CACNA1E: variants seen among roughly 807,000 people sequenced by gnomAD.
The protein encoded by CACNA1E is calcium voltage-gated channel subunit alpha1 E.
Under a neutral mutation model 259.2 loss-of-function variants are expected in CACNA1E, and 40 were observed. That is an observed-to-expected ratio of 0.15 (90% CI 0.12 to 0.20). The LOEUF (loss-of-function observed/expected upper bound fraction) is 0.20, where lower values mean the gene tolerates loss of function less well. CACNA1E is among the 10% of genes least tolerant of loss of function. The probability of loss-of-function intolerance (pLI) is 1.00; values close to 1 mark genes in which losing one functional copy is unlikely to be tolerated. For missense variants in CACNA1E, 1,874 were observed against 3,040.1 expected (o/e 0.62, Z 9.02); for synonymous variants, 1,104 against 1,138.5 (o/e 0.97, Z 0.61).
At chr1:181,757,552 T>C (rs770085825) in intron 30 of CACNA1E, among the ~76,000 whole-genome samples, 33 of 152,194 alleles carry the variant, frequency 2.2e-4, no homozygotes, top group Non-Finnish European at 4.0e-4. Context: ...TTTTATTTTA[T>C]TTTTTCGATG....
At chr1:181,352,696 G>A (rs1321040695) in intron 1 of CACNA1E, among the ~76,000 whole-genome samples, 1 of 152,212 alleles carries the variant, frequency 6.6e-6, no homozygotes, top group South Asian at 2.1e-4. Flanking sequence ...GCAATTTGGA[G>A]ACATCAACTA....
At chr1:181,665,544 A>C (rs1648136204) in intron 7 of CACNA1E, among the ~76,000 whole-genome samples, 1 of 152,174 alleles carries the variant, frequency 6.6e-6, no homozygotes, top group African/African-American at 2.4e-5. Flanking sequence ...TCTATTGCAC[A>C]GTAGGTGATG....
intron 38 of CACNA1E, among the ~76,000 whole-genome samples, chr1:181,779,150 T>C (rs974056747): frequency 2.0e-5 from 3 of 152,226 alleles, no homozygotes; most frequent in African/African-American, 7.2e-5. Flanking sequence ...GGGCTGTGTC[T>C]GCATCTGGCC....
intron 1 of CACNA1E, among the ~76,000 whole-genome samples, chr1:181,383,858 C>T (rs193194670): frequency 9.1e-4 from 139 of 152,278 alleles, no homozygotes; most frequent in African/African-American, 2.5e-3. Context: ...CACAAAACCT[C>T]CTACATCATC....
intron 12 of CACNA1E, among the ~76,000 whole-genome samples, chr1:181,718,742 G>T (rs1304187806): frequency 1.3e-5 from 2 of 150,680 alleles, no homozygotes; most frequent in Non-Finnish European, 2.9e-5. Flanking sequence ...ATATCTAAAT[G>T]TATACATTGT....
chr1:181,503,294 T>C (rs1280009807), intron 1 of CACNA1E, among the ~76,000 whole-genome samples: 2 of 152,234 alleles, frequency 1.3e-5, no homozygotes, highest in South Asian at 2.1e-4. Context: ...TCAGGGTCTG[T>C]GGGAACTGGA....
chr1:181,461,413 C>T (rs1224594440), intron 2 of CACNA1E, among the ~76,000 whole-genome samples: 3 of 151,682 alleles, frequency 2.0e-5, no homozygotes, highest in East Asian at 1.9e-4. Context: ...TGGTGGCGGG[C>T]GCCTGTAGAC....
At position 181,410,534 on chromosome 1, in the gene CACNA1E, T is replaced by C. The variant is rs147562649; in HGVS notation, c.-14-2599T>C. Among the ~76,000 whole-genome samples, 29 of 152,320 alleles carry C rather than the reference T, an allele frequency of 1.9e-4. No individual in the cohort carries two copies. In the East Asian group the frequency reaches 5.6e-3, roughly 29 times the overall value. On this transcript the variant is annotated intron_variant, in intron 1 of 11. Transcript: ENST00000524607. ...GGGCTCCAGGGGCGTCCGAGTCTAC[T>C]GAATGCTCCCATCAGGCTTTATCAT...
intron 3 of CACNA1E, among the ~76,000 whole-genome samples, chr1:181,549,881 T>C (rs1318825332): frequency 1.3e-5 from 2 of 152,092 alleles, no homozygotes; most frequent in Non-Finnish European, 2.9e-5. Context: ...AGGCAGGAGC[T>C]CTAGGTCTGT....
chr1:181,490,635 G>A (rs1000443582), intron 1 of CACNA1E, among the ~76,000 whole-genome samples: 1 of 150,552 alleles, frequency 6.6e-6, no homozygotes, highest in African/African-American at 2.5e-5. Context: ...TGTGTGTGCT[G>A]CATTTTGTCT....
At chr1:181,439,278 A>T (rs1259211819) in intron 2 of CACNA1E, among the ~76,000 whole-genome samples, 1 of 152,174 alleles carries the variant, frequency 6.6e-6, no homozygotes, top group Non-Finnish European at 1.5e-5. Flanking sequence ...CAGAGATTTC[A>T]AATTTGAGAT....
intron 1 of CACNA1E, among the ~76,000 whole-genome samples, chr1:181,491,594 C>G (rs977786146): frequency 6.6e-6 from 1 of 152,180 alleles, no homozygotes; most frequent in African/African-American, 2.4e-5. Flanking sequence ...AGCTAAAGCC[C>G]TGCTGCTAAC....
chr1:181,577,100 C>A (rs1206777090), intron 3 of CACNA1E, among the ~76,000 whole-genome samples: 1 of 152,170 alleles, frequency 6.6e-6, no homozygotes, highest in South Asian at 2.1e-4. Context: ...CCTTGGTGTA[C>A]ACAATCTAAT....
chr1:181,412,978 C>T (rs1372094151), intron 1 of CACNA1E, among the ~76,000 whole-genome samples: 1 of 152,164 alleles, frequency 6.6e-6, no homozygotes. Context: ...TGGGTCAGGC[C>T]CGGGATGTAG....
intron 1 of CACNA1E, among the ~76,000 whole-genome samples, chr1:181,501,052 T>C (rs879517219): frequency 6.6e-6 from 1 of 152,254 alleles, no homozygotes; most frequent in Non-Finnish European, 1.5e-5. Context: ...TTCTCGTTTC[T>C]GAAACAGGTA....
At chr1:181,510,104 A>T (rs1572058146) in intron 1 of CACNA1E, among the ~76,000 whole-genome samples, 1 of 152,208 alleles carries the variant, frequency 6.6e-6, no homozygotes, top group South Asian at 2.1e-4. Flanking sequence ...CTGCGATGGC[A>T]TTAATTATGT....
chr1:181,324,563 G>A (rs1650624337), intron 1 of CACNA1E, among the ~76,000 whole-genome samples: 6 of 152,222 alleles, frequency 3.9e-5, no homozygotes, highest in Admixed American at 2.6e-4. Context: ...TGCAGTTTCA[G>A]TACCTAGCAT....
chr1:181,780,902 T>A (rs1029724932), intron 38 of CACNA1E, among the ~76,000 whole-genome samples: 1 of 152,042 alleles, frequency 6.6e-6, no homozygotes, highest in African/African-American at 2.4e-5. Flanking sequence ...TGCCTGTGGG[T>A]TCAGTGGAGA....
chr1:181,786,782 A>C (rs1019339595), intron 43 of CACNA1E, among the ~76,000 whole-genome samples: 7 of 152,220 alleles, frequency 4.6e-5, no homozygotes, highest in Admixed American at 3.3e-4. Context: ...AATTACTAAG[A>C]GAGTGATACT....
Sources: allele counts gnomAD v4.1 joint callset (sites outside exome capture counted in the v4.1 genomes callset), GRCh38; gene constraint gnomAD v4.1.1; transcripts MANE v1.5; gene names NCBI Gene and HGNC (gene_info 2026-07-23, HGNC 2026-07-21).